Variants in FILIP1L observed in about 807,000 individuals in gnomAD.
FILIP1L encodes filamin A interacting protein 1 like.
FILIP1L carries 55 observed loss-of-function variants against 96.6 expected under a neutral mutation model. The observed-to-expected ratio is 0.57, with a 90% CI of 0.46 to 0.71. The LOEUF (loss-of-function observed/expected upper bound fraction) is 0.71. Ranked by LOEUF, FILIP1L falls within the 30% of genes least tolerant of loss-of-function variation. FILIP1L has a pLI of 0.00. For synonymous variants in FILIP1L, 467 were observed against 473.9 expected (o/e 0.99, Z 0.19); for missense variants, 1,304 against 1,321.2 (o/e 0.99, Z 0.20).
chr3:100,048,875 T>C (rs1270418588), intron 1 of FILIP1L, among the ~76,000 whole-genome samples: 2 of 152,222 alleles, frequency 1.3e-5, no homozygotes, highest in African/African-American at 4.8e-5. Context: ...AAGGTTGATA[T>C]GATGGCCTAG....
intron 1 of FILIP1L, among the ~76,000 whole-genome samples, chr3:100,103,586 T>C (rs1355555451): frequency 1.3e-5 from 2 of 152,108 alleles, no homozygotes; most frequent in African/African-American, 4.8e-5. Context: ...ATTCTTCATG[T>C]TGAGCAAAAA....
intron 4 of FILIP1L, among the ~76,000 whole-genome samples, chr3:99,918,379 A>G (rs113165582): frequency 1.5e-3 from 228 of 152,266 alleles, no homozygotes; most frequent in African/African-American, 5.1e-3. Context: ...CACTATCTCT[A>G]AGCTCCTGGT....
At chr3:99,956,896 A>G (rs1708336059) in intron 1 of FILIP1L, among the ~76,000 whole-genome samples, 1 of 152,118 alleles carries the variant, frequency 6.6e-6, no homozygotes, top group Non-Finnish European at 1.5e-5. Flanking sequence ...CCCGACTTAC[A>G]GTCCAGCTTC....
chr3:100,106,433 G>A (rs2066396547), intron 1 of FILIP1L, among the ~76,000 whole-genome samples: 1 of 152,078 alleles, frequency 6.6e-6, no homozygotes, highest in East Asian at 1.9e-4. Context: ...ATGGCCCCAG[G>A]GACAAGAAGG....
chr3:99,957,693 C>CTCTTTTTTTTTTTT (rs1708364535), intron 1 of FILIP1L, among the ~76,000 whole-genome samples: 1 of 19,894 alleles, frequency 5.0e-5, no homozygotes, highest in East Asian at 8.8e-4. Flanking sequence ...TTCTTTCTTT[C>CTCTTTTTTTTTTTT]TTTTTTTTTT....
At chr3:99,962,134 G>T (rs1708512598) in intron 1 of FILIP1L, among the ~76,000 whole-genome samples, 1 of 152,302 alleles carries the variant, frequency 6.6e-6, no homozygotes, top group East Asian at 1.9e-4. Flanking sequence ...TTCCAGGAAG[G>T]ACTGGCTTGC....
intron 4 of FILIP1L, among the ~76,000 whole-genome samples, chr3:99,855,192 T>C (rs1341576691): frequency 6.6e-6 from 1 of 152,196 alleles, no homozygotes; most frequent in Non-Finnish European, 1.5e-5. Context: ...ACCACCCATT[T>C]TTTTCAAAGA....
At chr3:100,093,424 T>G (rs2107439847) in intron 1 of FILIP1L, among the ~76,000 whole-genome samples, 1 of 152,240 alleles carries the variant, frequency 6.6e-6, no homozygotes, top group South Asian at 2.1e-4. Context: ...CTTACATTAT[T>G]TTTCTTACAA....
intron 1 of FILIP1L, among the ~76,000 whole-genome samples, chr3:100,050,473 A>G (rs1215032731): frequency 6.6e-6 from 1 of 152,194 alleles, no homozygotes; most frequent in African/African-American, 2.4e-5. Context: ...ATTAGATCAT[A>G]GTCATTTTCT....
rs533278926 is a variant in FILIP1L at position 100,038,782 on chromosome 3, C to T, written c.-11+75271G>A. The stretch of plus-strand genomic sequence containing the variant: ...TCCCAAGTAGCTGAGATTACAGGTG[C>T]CAAGCCACGGTGCCCAGCTGCTCCT... On this transcript the variant is annotated intron_variant, in intron 1 of 5. Transcript: ENST00000477258. 2.0e-5 allele frequency among the ~76,000 whole-genome samples: 3 copies of T among 152,258 alleles called. No individual in the cohort carries two copies. The South Asian group carries it at 6.2e-4, about 32-fold the overall frequency.
chr3:100,036,080 C>T (rs554113493), intron 1 of FILIP1L, among the ~76,000 whole-genome samples: 3 of 152,194 alleles, frequency 2.0e-5, no homozygotes, highest in Non-Finnish European at 2.9e-5. Flanking sequence ...CATCTCTATA[C>T]ATTGCATAAA....
intron 1 of FILIP1L, among the ~76,000 whole-genome samples, chr3:100,071,950 G>A (rs925875568): frequency 3.9e-5 from 6 of 152,062 alleles, no homozygotes; most frequent in Admixed American, 1.3e-4. Flanking sequence ...TGTCTTGATC[G>A]GCAGACTGAA....
intron 4 of FILIP1L, among the ~76,000 whole-genome samples, chr3:99,891,486 A>G (rs919355619): frequency 6.6e-6 from 1 of 152,016 alleles, no homozygotes; most frequent in Non-Finnish European, 1.5e-5. Flanking sequence ...AATATTCCTA[A>G]TATTACTTGC....
At chr3:99,929,244 TGGG>T (rs1208939852) in intron 3 of FILIP1L, among the ~76,000 whole-genome samples, 7 of 152,230 alleles carry the variant, frequency 4.6e-5, no homozygotes, top group African/African-American at 1.7e-4. Flanking sequence ...GTGGCCCTGT[TGGG>T]ACTGCCCACC....
intron 1 of FILIP1L, among the ~76,000 whole-genome samples, chr3:99,992,144 C>CT (rs1325236706): frequency 3.3e-5 from 5 of 151,810 alleles, no homozygotes; most frequent in African/African-American, 1.2e-4. Flanking sequence ...GTGCAGCTAT[C>CT]TTTTTGATAT....
intron 5 of FILIP1L, among the ~76,000 whole-genome samples, chr3:99,834,430 T>C (rs1171643576): frequency 1.3e-5 from 2 of 152,192 alleles, no homozygotes; most frequent in African/African-American, 4.8e-5. Context: ...TCTCTTTCTG[T>C]GGAAATTATA....
intron 1 of FILIP1L, among the ~76,000 whole-genome samples, chr3:100,042,998 A>G (rs912460306): frequency 1.3e-5 from 2 of 152,254 alleles, no homozygotes; most frequent in Non-Finnish European, 2.9e-5. Context: ...AAGAGGGATA[A>G]AGGGCTAACA....
At chr3:99,932,282 G>A (rs1044606462) in intron 1 of FILIP1L, among the ~76,000 whole-genome samples, 10 of 151,626 alleles carry the variant, frequency 6.6e-5, no homozygotes, top group African/African-American at 2.4e-4. Context: ...ATATATTGCT[G>A]AACAATGTAT....
chr3:100,075,339 C>T (rs1206410997), intron 1 of FILIP1L, among the ~76,000 whole-genome samples: 1 of 152,236 alleles, frequency 6.6e-6, no homozygotes, highest in African/African-American at 2.4e-5. Flanking sequence ...AACCCACAGT[C>T]TGGTTCTCAT....
Sources: gnomAD v4.1 joint callset for allele counts (sites outside exome capture counted in the v4.1 genomes callset) on GRCh38, gnomAD v4.1.1 for gene constraint, MANE v1.5 for transcripts, NCBI Gene and HGNC (gene_info 2026-07-23, HGNC 2026-07-21) for gene names.